CALN1: variants seen among roughly 807,000 people sequenced by gnomAD.
The protein encoded by CALN1 is calcium-binding protein 8.
In CALN1, 17 loss-of-function variants were observed where a neutral mutation model predicts 30.6. The observed-to-expected ratio is 0.56, with a 90% confidence interval of 0.38 to 0.83. The LOEUF (loss-of-function observed/expected upper bound fraction) is 0.83. Ranked by LOEUF, CALN1 falls within the 40% of genes least tolerant of loss-of-function variation. CALN1 has a pLI of 0.00. For synonymous variants in CALN1, 156 were observed against 131.4 expected (o/e 1.19, Z -1.28); for missense variants, 291 against 354.9 (o/e 0.82, Z 1.45).
intron 2 of CALN1, among the ~76,000 whole-genome samples, chr7:72,319,606 T>C (rs575072570): frequency 3.9e-5 from 6 of 152,210 alleles, no homozygotes; most frequent in African/African-American, 7.2e-5. Context: ...AGTAGCACCA[T>C]AGATGGAACA....
chr7:72,328,427 C>T (rs996925044), intron 2 of CALN1, among the ~76,000 whole-genome samples: 1 of 152,208 alleles, frequency 6.6e-6, no homozygotes, highest in African/African-American at 2.4e-5. Flanking sequence ...GCTCTTCCTT[C>T]ATCTTCCGCC....
chr7:72,051,977 A>G (rs1218796078), intron 4 of CALN1, among the ~76,000 whole-genome samples: 2 of 152,226 alleles, frequency 1.3e-5, no homozygotes, highest in East Asian at 3.9e-4. Context: ...CAATGCCCCA[A>G]GGATGCTTGT....
chr7:71,864,311 G>T (rs1267278766), intron 5 of CALN1, among the ~76,000 whole-genome samples: 1 of 152,138 alleles, frequency 6.6e-6, no homozygotes, highest in Non-Finnish European at 1.5e-5. Context: ...GGGTGGGCCT[G>T]CCCAAATCAG....
chr7:72,234,234 G>A (rs1441242305), intron 3 of CALN1, among the ~76,000 whole-genome samples: 9 of 152,040 alleles, frequency 5.9e-5, no homozygotes, highest in Admixed American at 2.0e-4. Context: ...GAAAAGCTGC[G>A]ATCTCTGCTT....
intron 2 of CALN1, among the ~76,000 whole-genome samples, chr7:72,380,740 G>A (rs978332110): frequency 4.3e-5 from 5 of 115,274 alleles, no homozygotes; most frequent in Admixed American, 8.6e-5. Context: ...TACATAGATA[G>A]ATAGTGTTAA....
intron 6 of CALN1, among the ~76,000 whole-genome samples, chr7:71,806,222 G>GA (rs71092912): frequency 0.22 from 32,578 of 146,950 alleles, 5,540 homozygotes; most frequent in East Asian, 0.6. Flanking sequence ...AATTAATGAA[G>GA]AAGCCAGGTG....
chr7:71,961,067 T>G (rs191225650), intron 5 of CALN1, among the ~76,000 whole-genome samples: 19 of 152,348 alleles, frequency 1.2e-4, no homozygotes, highest in African/African-American at 3.8e-4. Context: ...TCTGTTTGCC[T>G]TGGCCTCCCA....
At chr7:71,870,393 A>G (rs1791855339) in intron 5 of CALN1, among the ~76,000 whole-genome samples, 1 of 151,892 alleles carries the variant, frequency 6.6e-6, no homozygotes, top group Non-Finnish European at 1.5e-5. Context: ...AAAAAAAAAA[A>G]AATGAGTGCT....
chr7:72,028,038 G>A (rs375501917), intron 4 of CALN1, among the ~76,000 whole-genome samples: 15 of 126,876 alleles, frequency 1.2e-4, no homozygotes, highest in African/African-American at 2.7e-4. Context: ...CAGCCTGGGC[G>A]ACAGAGCGAG....
upstream of CALN1, among the ~76,000 whole-genome samples, chr7:72,413,762 TAACA>T (rs898056632): frequency 7.5e-5 from 11 of 147,258 alleles, 1 homozygote; most frequent in Admixed American, 2.7e-4. Flanking sequence ...CACATACACA[TAACA>T]AACACACTAC....
intron 3 of CALN1, among the ~76,000 whole-genome samples, chr7:72,125,071 T>C (rs1311988651): frequency 6.6e-6 from 1 of 152,190 alleles, no homozygotes; most frequent in Non-Finnish European, 1.5e-5. Flanking sequence ...CTTTGTCACC[T>C]GGGCTGGCGT....
rs138942148 is a variant in CALN1 at position 72,401,886 on chromosome 7, C to T, written c.119+1365G>A. Reference sequence around the variant, plus strand: ...AAATGTTTCTCTTACTCAATTCTTACCTCCTTTTCTCAACATGCCCCACCC... The same window carrying T: ...AAATGTTTCTCTTACTCAATTCTTATCTCCTTTTCTCAACATGCCCCACCC... On this transcript the variant is annotated intron_variant, in intron 2 of 6. Coordinates refer to ENST00000395275, the MANE Select transcript of CALN1 (RefSeq NM_031468.4). 3.9e-4 allele frequency among the ~76,000 whole-genome samples: 59 copies of T among 152,258 alleles called. 1 individual carries two copies. The Middle Eastern group carries it at 0.014, about 35-fold the overall frequency.
intron 3 of CALN1, among the ~76,000 whole-genome samples, chr7:72,152,479 C>A (rs1215866325): frequency 1.3e-5 from 2 of 152,156 alleles, no homozygotes; most frequent in African/African-American, 4.8e-5. Context: ...TCTAGGGCTT[C>A]TTCAGTCCAT....
rs1807219936 is a variant in CALN1 at position 72,412,203 on chromosome 7, T to C, written c.-219A>G. 1 of 152,584 alleles carries C rather than the reference T, an allele frequency of 6.6e-6. No homozygotes were observed. The highest frequency in any genetic ancestry group is 2.4e-5 in the African/African-American group (1 of 41,448). 9.5% of individuals were successfully genotyped at this position (152,584 alleles called of 1,614,324 possible). A position where few individuals can be genotyped will look rare whatever the true frequency, so the allele number is the denominator to read the frequency against. ...CCTCCCGGTGGGCTTGCGGTCTTGC[T>C]GACTTCAAGAACGAAGACGCAGACC... On this transcript the variant is annotated 5_prime_UTR_variant, in exon 1 of 7. Transcript: ENST00000395275.
intron 4 of CALN1, among the ~76,000 whole-genome samples, chr7:72,072,246 G>A (rs949885280): frequency 3.9e-5 from 6 of 152,124 alleles, no homozygotes; most frequent in African/African-American, 1.4e-4. Context: ...AAAAGACAAA[G>A]AGAAAATCTT....
At chr7:72,469,876 G>C in the CALN1 span, among the ~76,000 whole-genome samples, 1 of 152,094 alleles carries the variant, frequency 6.6e-6, no homozygotes, top group African/African-American at 2.4e-5. Context: ...CTAACTGGAG[G>C]CCTCATAAGC....
In CALN1 at chr7:72,234,454, T is replaced by G. The variant is rs377714555; in HGVS notation, c.244+44232A>C. 3.9e-5 allele frequency among the ~76,000 whole-genome samples: 6 copies of G among 152,230 alleles called. No individual in the cohort carries two copies. The South Asian group carries it at 8.3e-4, about 21-fold the overall frequency. ...GTCTTTTTTTGTTTTGTTTTGTTTT[T>G]TTGTTTTTTTGAGATGGAGTCTCGC... On this transcript the variant is annotated intron_variant, in intron 3 of 6. Coordinates refer to ENST00000395275, the MANE Select transcript of CALN1 (RefSeq NM_031468.4).
intron 1 of CALN1, among the ~76,000 whole-genome samples, chr7:72,423,382 C>T (rs1395903830): frequency 1.3e-5 from 2 of 152,124 alleles, no homozygotes; most frequent in Non-Finnish European, 2.9e-5. Flanking sequence ...AAAGCCTAGC[C>T]CCAGGGCAGG....
intron 5 of CALN1, among the ~76,000 whole-genome samples, chr7:71,823,554 C>T (rs922198657): frequency 6.6e-5 from 10 of 151,942 alleles, no homozygotes; most frequent in Non-Finnish European, 1.2e-4. Flanking sequence ...CCCGTCTCTA[C>T]TAAAAATATA....
Sources: allele counts gnomAD v4.1 joint callset (sites outside exome capture counted in the v4.1 genomes callset), GRCh38; gene constraint gnomAD v4.1.1; transcripts MANE v1.5; gene names NCBI Gene and HGNC (gene_info 2026-07-23, HGNC 2026-07-21).